Variants in NCLN observed in about 807,000 individuals in gnomAD.
The protein encoded by NCLN is nicalin.
NCLN carries 34 observed loss-of-function variants against 69.5 expected under a neutral mutation model. That is an observed-to-expected ratio of 0.49 (90% confidence interval 0.37 to 0.65). The LOEUF is 0.65. NCLN is among the 30% of genes least tolerant of loss of function. The pLI is 0.00. For synonymous variants in NCLN, 393 were observed against 358.3 expected (o/e 1.10, Z -1.09); for missense variants, 710 against 804.8 (o/e 0.88, Z 1.42).
At chr19:3,192,070 C>G (rs1457650123) in intron 1 of NCLN, among the ~76,000 whole-genome samples, 1 of 152,178 alleles carries the variant, frequency 6.6e-6, no homozygotes, top group Non-Finnish European at 1.5e-5. Flanking sequence ...TGCCGGTAAT[C>G]CCAGCTACTC....
intron 10 of NCLN, 36 bp from the exon 11 acceptor site, chr19:3,206,116 G>T (rs757610211): frequency 3.3e-5 from 52 of 1,554,366 alleles, no homozygotes; most frequent in Non-Finnish European, 4.3e-5. Flanking sequence ...CACTGCAGGG[G>T]CCTGGACTCA....
chr19:3,206,571 T>C (rs1599360504), intron 12 of NCLN, 146 bp downstream of exon 12: 1 of 1,113,226 alleles, frequency 9.0e-7, no homozygotes, highest in Middle Eastern at 3.0e-4. Context: ...ACACGGCGGC[T>C]GTGCCTGCAA....
rs370484033 is a variant in NCLN at position 3,192,852 on chromosome 19, T to A, written c.375+192T>A. 2.6e-5 allele frequency among the ~76,000 whole-genome samples: 4 copies of A among 152,202 alleles called. No individual in the cohort carries two copies. The East Asian group carries it at 7.8e-4, about 30-fold the overall frequency. Reference sequence around the variant, plus strand: ...GGACGCTGGGTGATGACCGGAGGTGTTCAGGGAGGGCCGCTCCGGGCGTGG... The same window carrying A: ...GGACGCTGGGTGATGACCGGAGGTGATCAGGGAGGGCCGCTCCGGGCGTGG... On this transcript the variant is annotated intron_variant, in intron 2 of 14. Coordinates refer to ENST00000246117, the MANE Select transcript of NCLN (RefSeq NM_020170.4).
At position 3,186,172 on chromosome 19, in the gene NCLN, G is replaced by C; in HGVS notation, c.142G>C (p.Val48Leu). 1 of 1,590,474 alleles carries C rather than the reference G, an allele frequency of 6.3e-7. No individual in the cohort carries two copies. The highest frequency in any genetic ancestry group is 8.5e-7 in the Non-Finnish European group (1 of 1,171,412). The part of the protein sequence containing the change: ...PAADAAHEFT[V>L]YRMQQYDLQG... ...CGCCGACGCCGCGCACGAGTTCACCGTGTACCGCATGCAGCAGTACGACCT... is the reference window on the plus strand; with the variant it reads ...CGCCGACGCCGCGCACGAGTTCACCCTGTACCGCATGCAGCAGTACGACCT... The change falls in exon 1 of 15, where the codon GTG (valine) becomes CTG (leucine). Residue 48 changes from valine (V) to leucine (L), a missense_variant. Physicochemically the swap from Val to Leu is conservative, Grantham distance 32. Transcript: ENST00000246117.
At chr19:3,190,544 A>G (rs1568309520) in intron 1 of NCLN, among the ~76,000 whole-genome samples, 3 of 152,056 alleles carry the variant, frequency 2.0e-5, no homozygotes. Context: ...CCCTGGCCCC[A>G]AGCCCGAGGC....
intron 1 of NCLN, among the ~76,000 whole-genome samples, chr19:3,187,126 CT>C (rs149475633): frequency 7.7e-4 from 118 of 152,316 alleles, no homozygotes; most frequent in African/African-American, 2.8e-3. Flanking sequence ...CTTGTTCCAT[CT>C]TTCCAGGATT....
intron 9 of NCLN, 152 bp downstream of exon 9, chr19:3,204,903 A>G: frequency 1.1e-6 from 1 of 888,294 alleles, no homozygotes; most frequent in Non-Finnish European, 1.6e-6. Flanking sequence ...GGCCGGCTGC[A>G]CGGTCAGGCC....
chr19:3,196,463 G>T (rs1915958572), intron 4 of NCLN, among the ~76,000 whole-genome samples, 186 bp downstream of exon 4: 1 of 152,184 alleles, frequency 6.6e-6, no homozygotes, highest in Admixed American at 6.5e-5. Flanking sequence ...CTCCTCACAT[G>T]GCCGGGGAGT....
intron 1 of NCLN, among the ~76,000 whole-genome samples, chr19:3,190,587 G>A (rs1364101678): frequency 6.6e-6 from 1 of 152,192 alleles, no homozygotes; most frequent in African/African-American, 2.4e-5. Flanking sequence ...CTGCGTCTGT[G>A]GGGAGATGAG....
At chr19:3,194,911 C>T (rs1254822334) in intron 3 of NCLN, among the ~76,000 whole-genome samples, 1 of 151,750 alleles carries the variant, frequency 6.6e-6, no homozygotes, top group Non-Finnish European at 1.5e-5. Flanking sequence ...AGGTGGCTCA[C>T]GCCTGTTGTC....
chr19:3,189,347 C>G (rs1915751332), intron 1 of NCLN, among the ~76,000 whole-genome samples: 1 of 152,252 alleles, frequency 6.6e-6, no homozygotes, highest in Non-Finnish European at 1.5e-5. Context: ...ATACAGCTAA[C>G]TGCAGCCTGT....
In NCLN at chr19:3,207,219, C is replaced by T. The variant is rs1252365308; in HGVS notation, c.1521C>T (p.Tyr507=). 1.2e-5 allele frequency: 20 copies of T among 1,613,802 alleles called. No homozygotes were observed. The highest frequency in any genetic ancestry group is 1.6e-4 in the Middle Eastern group (1 of 6,062). The change falls in exon 13 of 15, where the codon TAC becomes TAT. Residue 507 remains tyrosine, a synonymous_variant. Coordinates refer to ENST00000246117, the MANE Select transcript of NCLN (RefSeq NM_020170.4). The stretch of plus-strand genomic sequence containing the variant: ...CCAGGGACCCAGAGTTTGTCTTCTA[C>T]GACCAGCTGAAGCAAGTGATGAATG... ...ADKRDPEFVF[Y]DQLKQVMNAY...
intron 5 of NCLN, among the ~76,000 whole-genome samples, chr19:3,201,080 G>T (rs1599356437): frequency 6.6e-6 from 1 of 152,200 alleles, no homozygotes; most frequent in Admixed American, 6.5e-5. Flanking sequence ...GGCTGTGCAG[G>T]TCTCTCCACA....
At chr19:3,198,245 A>G (rs886254198) in intron 4 of NCLN, among the ~76,000 whole-genome samples, 3 of 151,936 alleles carry the variant, frequency 2.0e-5, no homozygotes, top group Non-Finnish European at 4.4e-5. Context: ...GGTGGCTCAC[A>G]CCTGTAATCC....
chr19:3,204,475 C>A, intron 8 of NCLN, 98 bp from the exon 9 acceptor site: 1 of 1,322,268 alleles, frequency 7.6e-7, no homozygotes, highest in Non-Finnish European at 1.0e-6. Flanking sequence ...TCATTTTGCA[C>A]CCTCGGGGGT....
At position 3,186,165 on chromosome 19, in the gene NCLN, G is replaced by A. The variant is rs141090025; in HGVS notation, c.135G>A (p.Glu45=). The A allele has an allele frequency of 2.6e-4, 407 of 1,595,568 alleles. No individual in the cohort carries two copies. Among genetic ancestry groups the A allele is most frequent in the Non-Finnish European group, 3.2e-4 (379 of 1,173,504 alleles). ...TGCCTGCCGCCGACGCCGCGCACGA[G>A]TTCACCGTGTACCGCATGCAGCAGT... ...PPLPAADAAH[E]FTVYRMQQYD... Residue 45 remains glutamate (E), a synonymous_variant, in exon 1 of 15, where the codon GAG becomes GAA. Coordinates refer to ENST00000246117, the MANE Select transcript of NCLN (RefSeq NM_020170.4).
At chr19:3,192,763 T>G (rs1915861074) in intron 2 of NCLN, 103 bp downstream of exon 2, 1 of 1,082,742 alleles carries the variant, frequency 9.2e-7, no homozygotes, top group Non-Finnish European at 1.3e-6. Flanking sequence ...TCTGAGCCCT[T>G]TGGAAAGTAG....
intron 5 of NCLN, among the ~76,000 whole-genome samples, chr19:3,199,650 G>A (rs1916070759): frequency 6.6e-6 from 1 of 151,810 alleles, no homozygotes; most frequent in African/African-American, 2.4e-5. Flanking sequence ...TGGGGTGGGG[G>A]GGCATGTACC....
intron 5 of NCLN, among the ~76,000 whole-genome samples, chr19:3,201,298 C>T (rs998396524): frequency 1.2e-4 from 19 of 152,272 alleles, no homozygotes; most frequent in African/African-American, 3.4e-4. Flanking sequence ...GGCCATCAGT[C>T]GGGGATTGAA....
Sources: allele counts gnomAD v4.1 joint callset (sites outside exome capture counted in the v4.1 genomes callset), GRCh38; gene constraint gnomAD v4.1.1; transcripts MANE v1.5; gene names NCBI Gene and HGNC (gene_info 2026-07-23, HGNC 2026-07-21).